ANKRD36B: variants seen among roughly 807,000 people sequenced by gnomAD.
ANKRD36B encodes ankyrin repeat domain 36B.
A neutral mutation model predicts 135.7 loss-of-function variants in ANKRD36B; 37 were observed. That is an observed-to-expected ratio of 0.27 (90% CI 0.21 to 0.36). The LOEUF (loss-of-function observed/expected upper bound fraction) is 0.36, where lower values mean the gene tolerates loss of function less well. Among genes scored for constraint, ANKRD36B ranks in the 10% least tolerant of loss-of-function variants. The pLI, the probability that ANKRD36B is intolerant of heterozygous loss-of-function variation, is 1.00. For synonymous variants in ANKRD36B, 179 were observed against 348.1 expected, an observed-to-expected ratio of 0.51 and a Z score of 5.41; for missense variants, 549 against 1,037.1, an observed-to-expected ratio of 0.53 and a Z score of 6.46.
chr2:97,551,248 T>G, intron 18 of ANKRD36B, 41 bp downstream of exon 18: 1 of 1,537,522 alleles, frequency 6.5e-7, no homozygotes, highest in Non-Finnish European at 8.7e-7. Context: ...GAACTTCTTA[T>G]CTGGACTGAA....
intron 22 of ANKRD36B, chr2:97,547,148 G>C (rs929421562): frequency 5.0e-6 from 1 of 198,138 alleles, no homozygotes; most frequent in African/African-American, 2.4e-5. Flanking sequence ...TCTACGGGTT[G>C]TTACAACAAG....
At position 97,538,186 on chromosome 2, in the gene ANKRD36B, C is replaced by T. The variant is rs752848875; in HGVS notation, c.2071G>A (p.Gly691Ser). Residue 691 changes from glycine to serine, a missense_variant, in exon 32 of 44, where the codon GGT (glycine) becomes AGT (serine). Gly to Ser is a moderately conservative substitution (Grantham distance 56). Transcript: ENST00000359901. The stretch of plus-strand genomic sequence containing the variant: ...AAATTACCTGTTCCAGATTTCCCAC[C>T]GCCCGTTATTCTTGTGGCAATATTC... ...LLNIATRITG[G>S]GKSGTEYPEN... 31 of 1,279,854 alleles carry T rather than the reference C, an allele frequency of 2.4e-5. 4 individuals carry two copies. The highest frequency in any genetic ancestry group is 1.8e-4 in the South Asian group (15 of 83,350). The allele number at this position is 1,279,854 out of a possible 1,614,324, so 79.3% of individuals were successfully genotyped here. A position where few individuals can be genotyped will look rare whatever the true frequency, so the allele number is the denominator to read the frequency against.
chr2:97,494,104 T>C (rs1422586198), intron 43 of ANKRD36B, among the ~76,000 whole-genome samples: 1 of 106,974 alleles, frequency 9.3e-6, no homozygotes, highest in Admixed American at 8.5e-5. Context: ...TTCTGCATTA[T>C]CAGGTGTTTT....
At chr2:97,582,244 G>C (rs937202799) in intron 3 of ANKRD36B, among the ~76,000 whole-genome samples, 3 of 152,078 alleles carry the variant, frequency 2.0e-5, no homozygotes, top group African/African-American at 7.2e-5. Flanking sequence ...ATTATTTATG[G>C]TATGTATAAA....
rs1312123893 is a variant in ANKRD36B at position 97,525,963 on chromosome 2, C to A, written c.2266-2496G>T. Among the ~76,000 whole-genome samples the A allele has an allele frequency of 2.0e-5, 2 of 98,438 alleles. 1 individual carries two copies. Among genetic ancestry groups the A allele is most frequent in the African/African-American group, 6.1e-5 (2 of 32,928 alleles). 64.6% of individuals were successfully genotyped at this position (98,438 alleles called of 152,430 possible). A position where few individuals can be genotyped will look rare whatever the true frequency, so the allele number is the denominator to read the frequency against. The stretch of plus-strand genomic sequence containing the variant: ...GGCCTTCCTGCCTCTGTAGGCTCCA[C>A]CTCTGGGGGCAGGGCACAGAGAAAC... On this transcript the variant is annotated intron_variant, in intron 35 of 43. Transcript: ENST00000359901.
At chr2:97,544,409 G>C (rs2079305411) in intron 24 of ANKRD36B, among the ~76,000 whole-genome samples, 1 of 94,816 alleles carries the variant, frequency 1.1e-5, no homozygotes, top group African/African-American at 3.1e-5. Context: ...CATTCATCAT[G>C]CTCTTTAACT....
chr2:97,515,823 C>T lies in ANKRD36B; in HGVS notation c.2530G>A (p.Val844Ile). 1 of 203,016 alleles carries T rather than the reference C, an allele frequency of 4.9e-6. No homozygotes were observed. The allele number at this position is 203,016 out of a possible 1,614,324, so 12.6% of individuals were successfully genotyped here. A position where few individuals can be genotyped will look rare whatever the true frequency, so the allele number is the denominator to read the frequency against. ...TTTTCAGATATTCTCTTTTGTAGTA[C>T]ACTAGCCTTATTTTTCAGTTTTCGA... ...KIRKLKNKAS[V>I]LQKRISEKEE... The change falls in exon 37 of 44, where the codon GTA becomes ATA. Residue 844 changes from valine (V) to isoleucine (I), a missense_variant. Val to Ile is a conservative substitution (Grantham distance 29, BLOSUM62 3). Coordinates refer to ENST00000359901, the MANE Select transcript of ANKRD36B (RefSeq NM_001393939.1).
At chr2:97,579,564 G>A (rs1352859496) in intron 4 of ANKRD36B, among the ~76,000 whole-genome samples, 1 of 145,210 alleles carries the variant, frequency 6.9e-6, no homozygotes, top group African/African-American at 2.5e-5. Context: ...TATCCTTCAA[G>A]GGTGGTTGTG....
At chr2:97,551,840 A>T (rs1286605441) in intron 16 of ANKRD36B, among the ~76,000 whole-genome samples, 2 of 151,974 alleles carry the variant, frequency 1.3e-5, no homozygotes, top group Non-Finnish European at 2.9e-5. Flanking sequence ...GTGCTACATG[A>T]TCCCACATGT....
rs1485815651 is a variant in ANKRD36B, at chr2:97,496,364, G to C, written c.*7-3509C>G. Among the ~76,000 whole-genome samples, 345 of 80,784 alleles carry C rather than the reference G, an allele frequency of 4.3e-3. 2 individuals are homozygous for C. Among genetic ancestry groups the C allele is most frequent in the African/African-American group, 0.011 (333 of 31,032 alleles). The allele number at this position is 80,784 out of a possible 152,430, so 53.0% of individuals were successfully genotyped here. ...TCATAACATAAAAGTGCAAGGTAAA[G>C]CAGCCAGTGCTGATAGAGAAGCTGC... On this transcript the variant is annotated intron_variant, in intron 43 of 43. Coordinates refer to ENST00000359901, the MANE Select transcript of ANKRD36B (RefSeq NM_001393939.1).
chr2:97,535,274 C>T lies in ANKRD36B; in HGVS notation c.2191+1026G>A, dbSNP rs1185870701. Among the ~76,000 whole-genome samples the T allele has an allele frequency of 4.0e-5, 4 of 101,030 alleles. 1 individual carries two copies. The highest frequency in any genetic ancestry group is 1.1e-4 in the African/African-American group (4 of 35,256). The allele number at this position is 101,030 out of a possible 152,430, so 66.3% of individuals were successfully genotyped here. On this transcript the variant is annotated intron_variant, in intron 34 of 43. Transcript: ENST00000359901. ...ATTTTATAGCACAAAAACATGACTA[C>T]AGTCAGAAATAACTTGTTGTACATT...
intron 6 of ANKRD36B, among the ~76,000 whole-genome samples, chr2:97,570,817 T>G (rs2081796688): frequency 6.6e-6 from 1 of 152,208 alleles, no homozygotes. Flanking sequence ...TCCTTCCAAG[T>G]GAATCACCAA....
At chr2:97,563,678 C>T (rs144976154) in intron 6 of ANKRD36B, among the ~76,000 whole-genome samples, 15 of 151,546 alleles carry the variant, frequency 9.9e-5, no homozygotes, top group African/African-American at 1.2e-4. Context: ...CTGAAAAGCA[C>T]ACACTGGATT....
At chr2:97,494,408 C>G (rs1392992044) in intron 43 of ANKRD36B, among the ~76,000 whole-genome samples, 1 of 106,438 alleles carries the variant, frequency 9.4e-6, no homozygotes, top group Non-Finnish European at 2.6e-5. Context: ...GGGTATGACA[C>G]ACATGGCTAG....
At chr2:97,549,295 A>C in intron 20 of ANKRD36B, 124 bp downstream of exon 20, 1 of 1,251,920 alleles carries the variant, frequency 8.0e-7, no homozygotes, top group Non-Finnish European at 1.1e-6. Context: ...ACTACAAATG[A>C]AGAATCTCTG....
intron 6 of ANKRD36B, among the ~76,000 whole-genome samples, chr2:97,573,576 A>G (rs1233454523): frequency 2.0e-5 from 3 of 152,074 alleles, no homozygotes; most frequent in Admixed American, 6.6e-5. Flanking sequence ...AGCCCACATC[A>G]CCAAGTCAAT....
At position 97,533,971 on chromosome 2, in the gene ANKRD36B, G is replaced by A. The variant is rs188663487; in HGVS notation, c.2192-1587C>T. On this transcript the variant is annotated intron_variant, in intron 34 of 43. Coordinates refer to ENST00000359901, the MANE Select transcript of ANKRD36B (RefSeq NM_001393939.1). Reference sequence around the variant, plus strand: ...CTCAGGAGGCTGAGGCAGGAGAATCGCTTTAACCCGGGAGGTAGAGGTTGC... The same window carrying A: ...CTCAGGAGGCTGAGGCAGGAGAATCACTTTAACCCGGGAGGTAGAGGTTGC... Among the ~76,000 whole-genome samples, 31 of 92,330 alleles carry A rather than the reference G, an allele frequency of 3.4e-4. 7 individuals are homozygous for A. Among genetic ancestry groups the A allele is most frequent in the Admixed American group, 3.0e-3 (31 of 10,362 alleles). The allele number at this position is 92,330 out of a possible 152,430, so 60.6% of individuals were successfully genotyped here.
chr2:97,554,961 T>C, intron 14 of ANKRD36B, 99 bp downstream of exon 14: 2 of 1,421,918 alleles, frequency 1.4e-6, no homozygotes, highest in East Asian at 2.4e-5. Flanking sequence ...TGAATCAGAA[T>C]GTGCAGCTTT....
chr2:97,557,275 C>T (rs1406037501), intron 10 of ANKRD36B, 143 bp from the exon 11 acceptor site: 30 of 1,293,746 alleles, frequency 2.3e-5, no homozygotes, highest in East Asian at 7.6e-5. Context: ...GTCTTTGGGA[C>T]GGGAACATGA....
Sources: gnomAD v4.1 joint callset for allele counts (sites outside exome capture counted in the v4.1 genomes callset) on GRCh38, gnomAD v4.1.1 for gene constraint, MANE v1.5 for transcripts, NCBI Gene and HGNC (gene_info 2026-07-23, HGNC 2026-07-21) for gene names.